The following PRKG1 variants were observed in gnomAD, a reference collection of about 807,000 sequenced individuals.
PRKG1 encodes the protein cGMP-dependent protein kinase 1.
A neutral mutation model predicts 88.1 loss-of-function variants in PRKG1; 35 were observed. The ratio of observed to expected loss-of-function variants is 0.40; its 90% CI spans 0.30 to 0.53. The LOEUF is 0.53. Ranked by LOEUF, PRKG1 falls within the 20% of genes least tolerant of loss-of-function variation. The probability of loss-of-function intolerance (pLI) is 0.59; values close to 1 mark genes in which losing one functional copy is unlikely to be tolerated. For missense variants in PRKG1, 540 were observed against 839.8 expected (o/e 0.64, Z 4.41); for synonymous variants, 303 against 292.5 (o/e 1.04, Z -0.37).
At chr10:51,685,016 A>G (rs912640180) in intron 3 of PRKG1, among the ~76,000 whole-genome samples, 1 of 152,236 alleles carries the variant, frequency 6.6e-6, no homozygotes, top group Admixed American at 6.5e-5. Context: ...AAAAACAACA[A>G]GAAAAAACAT....
At chr10:51,473,043 C>A (rs1000392059) in intron 3 of PRKG1, among the ~76,000 whole-genome samples, 2 of 151,880 alleles carry the variant, frequency 1.3e-5, no homozygotes, top group Non-Finnish European at 2.9e-5. Flanking sequence ...GACAATGAAG[C>A]AAACATAGTA....
intron 2 of PRKG1, among the ~76,000 whole-genome samples, chr10:51,164,167 C>T (rs1197795838): frequency 1.3e-5 from 2 of 152,278 alleles, no homozygotes; most frequent in African/African-American, 2.4e-5. Context: ...CAGACTGACA[C>T]CTCACATGGC....
At chr10:52,062,013 T>A (rs1846247135) in intron 6 of PRKG1, among the ~76,000 whole-genome samples, 1 of 152,034 alleles carries the variant, frequency 6.6e-6, no homozygotes, top group Admixed American at 6.6e-5. Flanking sequence ...ATTTATAGGA[T>A]ATGGGTAAGT....
chr10:51,215,040 G>A (rs544162293), intron 2 of PRKG1, among the ~76,000 whole-genome samples: 3 of 152,164 alleles, frequency 2.0e-5, no homozygotes, highest in East Asian at 1.9e-4. Flanking sequence ...CAGCGTGGGC[G>A]GCTAACTTCA....
chr10:51,150,737 G>T (rs957960926), intron 1 of PRKG1, among the ~76,000 whole-genome samples: 1 of 152,006 alleles, frequency 6.6e-6, no homozygotes, highest in Non-Finnish European at 1.5e-5. Flanking sequence ...TAAAATTTGA[G>T]AAACAAAAAC....
rs1026379671 is a variant in PRKG1, at chr10:51,322,813, T to G, written c.479-144910T>G. 3.9e-5 allele frequency among the ~76,000 whole-genome samples: 6 copies of G among 152,330 alleles called. No individual in the cohort carries two copies. In the East Asian group the frequency reaches 1.2e-3, roughly 29 times the overall value. ...ATGTAATTTTCTTAAAGGATACCTT[T>G]CTACCCTCAAAAGCTCATGCACACT... On this transcript the variant is annotated intron_variant, in intron 2 of 17. Transcript: ENST00000373980.
intron 4 of PRKG1, among the ~76,000 whole-genome samples, chr10:51,835,547 C>T (rs2132762953): frequency 6.6e-6 from 1 of 152,300 alleles, no homozygotes; most frequent in South Asian, 2.1e-4. Context: ...TAAAGTAATC[C>T]AGAATGAAAA....
intron 3 of PRKG1, among the ~76,000 whole-genome samples, chr10:51,754,874 G>T (rs373960454): frequency 5.3e-5 from 8 of 152,204 alleles, no homozygotes; most frequent in African/African-American, 1.9e-4. Context: ...TTTGTGAGGT[G>T]TGTTGCCACT....
chr10:51,699,140 G>A, intron 3 of PRKG1: 1 of 1,614,132 alleles, frequency 6.2e-7, no homozygotes, highest in African/African-American at 1.3e-5. Flanking sequence ...CATCTGCTCC[G>A]GGGGGAGACT....
chr10:52,011,985 G>A (rs1223658928), intron 5 of PRKG1, among the ~76,000 whole-genome samples: 3 of 152,038 alleles, frequency 2.0e-5, no homozygotes, highest in African/African-American at 7.2e-5. Context: ...CTTCCTCCCG[G>A]CCATGTGGAA....
At chr10:51,639,908 C>T (rs184317800) in intron 3 of PRKG1, among the ~76,000 whole-genome samples, 244 of 152,206 alleles carry the variant, frequency 1.6e-3, no homozygotes, top group African/African-American at 5.7e-3. Flanking sequence ...GTATTGCTTT[C>T]CTTTGTTTCT....
At chr10:51,322,918 G>C (rs1841493013) in intron 2 of PRKG1, among the ~76,000 whole-genome samples, 1 of 152,082 alleles carries the variant, frequency 6.6e-6, no homozygotes, top group Admixed American at 6.6e-5. Flanking sequence ...TAAATTATTT[G>C]AAAGCATTTA....
chr10:51,517,266 A>G (rs1463358468), intron 3 of PRKG1, among the ~76,000 whole-genome samples: 1 of 152,248 alleles, frequency 6.6e-6, no homozygotes, highest in East Asian at 1.9e-4. Flanking sequence ...AACTAAGAGC[A>G]GTAAACTGGG....
intron 3 of PRKG1, among the ~76,000 whole-genome samples, chr10:51,683,354 C>T (rs148110161): frequency 0.014 from 2,055 of 152,122 alleles, 29 homozygotes; most frequent in Admixed American, 0.021. Flanking sequence ...CAAAACACCA[C>T]AATGAGATAC....
chr10:52,271,603 CTTT>C, intron 11 of PRKG1, 114 bp downstream of exon 11: 2 of 1,086,580 alleles, frequency 1.8e-6, no homozygotes, highest in Non-Finnish European at 2.5e-6. Flanking sequence ...AAAGAAACTT[CTTT>C]TTAATCTAAT....
chr10:52,211,395 G>T (rs954019734), intron 9 of PRKG1, among the ~76,000 whole-genome samples: 2 of 152,126 alleles, frequency 1.3e-5, no homozygotes, highest in Admixed American at 6.6e-5. Flanking sequence ...CCTTAAAAAG[G>T]TTAAATCTTC....
chr10:51,750,171 G>C (rs1334186718), intron 3 of PRKG1, among the ~76,000 whole-genome samples: 1 of 151,956 alleles, frequency 6.6e-6, no homozygotes, highest in South Asian at 2.1e-4. Flanking sequence ...CCTGACCTCA[G>C]GTGATCCACC....
chr10:51,398,634 T>G (rs1360988901), intron 2 of PRKG1, among the ~76,000 whole-genome samples: 1 of 152,224 alleles, frequency 6.6e-6, no homozygotes. Flanking sequence ...TGTGTCAACT[T>G]GACTAGGTCA....
At chr10:51,304,518 AC>A in intron 2 of PRKG1, among the ~76,000 whole-genome samples, 1 of 151,880 alleles carries the variant, frequency 6.6e-6, no homozygotes, top group Middle Eastern at 3.4e-3. Flanking sequence ...GTTTTAGGGT[AC>A]ATGTGCACAA....
Sources: allele counts gnomAD v4.1 joint callset (sites outside exome capture counted in the v4.1 genomes callset), GRCh38; gene constraint gnomAD v4.1.1; transcripts MANE v1.5; gene names NCBI Gene and HGNC (gene_info 2026-07-23, HGNC 2026-07-21).